The following IL1RAPL1 variants were observed in gnomAD, a reference collection of about 807,000 sequenced individuals.
The protein encoded by IL1RAPL1 is interleukin 1 receptor accessory protein like 1.
IL1RAPL1 carries 3 observed loss-of-function variants against 48.4 expected under a neutral mutation model. The ratio of observed to expected loss-of-function variants is 0.06; its 90% CI spans 0.03 to 0.16. The LOEUF (loss-of-function observed/expected upper bound fraction) is 0.16, where lower values mean the gene tolerates loss of function less well. IL1RAPL1 is among the 10% of genes least tolerant of loss of function. IL1RAPL1 has a pLI of 1.00. For missense variants in IL1RAPL1, 349 were observed against 530.6 expected (o/e 0.66, Z 3.36); for synonymous variants, 185 against 187.7 (o/e 0.99, Z 0.12).
At chrX:29,904,987 CAACA>C (rs776925942) in intron 6 of IL1RAPL1, among the ~76,000 whole-genome samples, 3 of 112,060 alleles carry the variant, frequency 2.7e-5, no homozygotes, top group Non-Finnish European at 5.6e-5. Context: ...ACACTCCCAC[CAACA>C]GAGTGAAAGC....
intron 6 of IL1RAPL1, among the ~76,000 whole-genome samples, chrX:29,788,121 A>G (rs868184455): frequency 1.9e-5 from 2 of 107,798 alleles, no homozygotes; most frequent in Non-Finnish European, 3.9e-5. Flanking sequence ...GTGTGTGTGT[A>G]TGTATGTGAA....
rs529339370 is a variant in IL1RAPL1, at chrX:29,807,117, A to G, written c.779-110347A>G. Among the ~76,000 whole-genome samples, 26 of 110,933 alleles carry G rather than the reference A, an allele frequency of 2.3e-4. No individual in the cohort carries two copies. The South Asian group carries it at 9.3e-3, about 40-fold the overall frequency. On this transcript the variant is annotated intron_variant, in intron 6 of 10. Transcript: ENST00000378993. Reference sequence around the variant, plus strand: ...TAGCAGTGCAAGAATGGCCTAATACAATATGTAACTATTTAAATATATACA... The same window carrying G: ...TAGCAGTGCAAGAATGGCCTAATACGATATGTAACTATTTAAATATATACA...
intron 3 of IL1RAPL1, among the ~76,000 whole-genome samples, chrX:29,287,763 T>A (rs1391458853): frequency 1.8e-5 from 2 of 112,502 alleles, no homozygotes; most frequent in Non-Finnish European, 3.7e-5. Context: ...TATGTCCTCC[T>A]CATTGAATTT....
intron 2 of IL1RAPL1, among the ~76,000 whole-genome samples, chrX:28,946,195 A>C (rs1194980004): frequency 1.8e-5 from 2 of 110,470 alleles, no homozygotes; most frequent in Non-Finnish European, 3.8e-5. Flanking sequence ...AAAATAAAGC[A>C]GTCAAATTTC....
At chrX:28,818,314 C>T (rs1936892944) in intron 2 of IL1RAPL1, among the ~76,000 whole-genome samples, 1 of 110,513 alleles carries the variant, frequency 9.0e-6, no homozygotes, top group African/African-American at 3.3e-5. Flanking sequence ...TTGGGACAAA[C>T]AAAGATTTTA....
Position 28,636,893 on chromosome X carries a change from C to T in IL1RAPL1, c.-25+48846C>T, listed in dbSNP as rs1358236966. ...ATACGCTTAACTAAGCATATGGACACTTTACACAAAATCAGAGGTTTTTTT... is the reference window on the plus strand; with the variant it reads ...ATACGCTTAACTAAGCATATGGACATTTTACACAAAATCAGAGGTTTTTTT... On this transcript the variant is annotated intron_variant, in intron 1 of 10. Coordinates refer to ENST00000378993, the MANE Select transcript of IL1RAPL1 (RefSeq NM_014271.4). Among the ~76,000 whole-genome samples the T allele has an allele frequency of 3.6e-5, 4 of 111,548 alleles. No homozygotes were observed. In the East Asian group the frequency reaches 1.1e-3, roughly 31 times the overall value.
chrX:29,745,431 G>GTTTTTTTTTTTTTTTTTTTTTT lies in IL1RAPL1; in HGVS notation c.778+76935_778+76956dup, dbSNP rs752527354. On this transcript the variant is annotated intron_variant, in intron 6 of 10. Coordinates refer to ENST00000378993, the MANE Select transcript of IL1RAPL1 (RefSeq NM_014271.4). Reference sequence around the variant, plus strand: ...TCTCTTTATTCCTTAAGTTTTTTGTGTTTTTTTTTTTTTTTTTTTTTTTTT... The same window carrying GTTTTTTTTTTTTTTTTTTTTTT: ...TCTCTTTATTCCTTAAGTTTTTTGTGTTTTTTTTTTTTTTTTTTTTTTTTTTTTTTTTTTTTTTTTTTTTTTT... Among the ~76,000 whole-genome samples, 2 of 24,740 alleles carry GTTTTTTTTTTTTTTTTTTTTTT rather than the reference G, an allele frequency of 8.1e-5. 1 individual carries two copies. The highest frequency in any genetic ancestry group is 1.3e-4 in the Non-Finnish European group (2 of 14,930). 21.5% of individuals were successfully genotyped at this position (24,740 alleles called of 115,157 possible). A position where few individuals can be genotyped will look rare whatever the true frequency, so the allele number is the denominator to read the frequency against.
intron 1 of IL1RAPL1, among the ~76,000 whole-genome samples, chrX:28,747,000 G>A (rs1319004065): frequency 1.8e-5 from 2 of 110,449 alleles, no homozygotes; most frequent in Non-Finnish European, 3.8e-5. Flanking sequence ...TCTTTCTACT[G>A]GTTGGGGAAT....
intron 1 of IL1RAPL1, among the ~76,000 whole-genome samples, chrX:28,590,219 T>C (rs1933893175): frequency 8.9e-6 from 1 of 111,897 alleles, no homozygotes; most frequent in Admixed American, 9.5e-5. Flanking sequence ...TCTGAAATCC[T>C]AACCCTGTTC....
intron 6 of IL1RAPL1, among the ~76,000 whole-genome samples, chrX:29,701,040 A>C (rs1341817519): frequency 8.9e-6 from 1 of 112,073 alleles, no homozygotes. Flanking sequence ...CAGAGAAAGG[A>C]GAACTGAAAT....
rs751144600 is a variant in IL1RAPL1 at position 28,908,938 on chromosome X, G to A, written c.82+119513G>A. Among the ~76,000 whole-genome samples, 20 of 111,602 alleles carry A rather than the reference G, an allele frequency of 1.8e-4. No homozygotes were observed. The East Asian group carries it at 4.2e-3, about 24-fold the overall frequency. On this transcript the variant is annotated intron_variant, in intron 2 of 10. Transcript: ENST00000378993. ...AATTTACCCTTTTTTGTTATGTAGC[G>A]TCCTTCCTTATCCTTGATACTTTTC...
intron 2 of IL1RAPL1, among the ~76,000 whole-genome samples, chrX:28,845,806 C>A (rs956977888): frequency 1.8e-5 from 2 of 111,618 alleles, no homozygotes; most frequent in Non-Finnish European, 3.8e-5. Context: ...AGGTTCCCAA[C>A]AAAGTTGAGA....
intron 1 of IL1RAPL1, among the ~76,000 whole-genome samples, chrX:28,710,459 C>T (rs1164135579): frequency 9.1e-6 from 1 of 109,715 alleles, no homozygotes; most frequent in African/African-American, 3.3e-5. Context: ...TCAAGAGGAA[C>T]AGCAGTGGGT....
chrX:29,411,187 T>C (rs961332042), intron 5 of IL1RAPL1, among the ~76,000 whole-genome samples: 1 of 112,101 alleles, frequency 8.9e-6, no homozygotes, highest in Non-Finnish European at 1.9e-5. Flanking sequence ...TAGTCAGACA[T>C]TGAATCTATC....
intron 6 of IL1RAPL1, among the ~76,000 whole-genome samples, chrX:29,834,546 G>C (rs1930953178): frequency 1.0e-5 from 1 of 97,755 alleles, no homozygotes; most frequent in South Asian, 5.0e-4. Context: ...TTAAGAGCTA[G>C]TGGGACAAAG....
At chrX:28,713,271 T>C (rs1425759865) in intron 1 of IL1RAPL1, among the ~76,000 whole-genome samples, 2 of 110,415 alleles carry the variant, frequency 1.8e-5, no homozygotes, top group Non-Finnish European at 3.8e-5. Flanking sequence ...TTAGCCAGGA[T>C]GGTCTCGATC....
intron 2 of IL1RAPL1, among the ~76,000 whole-genome samples, chrX:28,947,457 C>T (rs1172236543): frequency 9.0e-6 from 1 of 110,953 alleles, no homozygotes; most frequent in African/African-American, 3.3e-5. Context: ...TAAAAACTTA[C>T]TGTTTAGCCA....
rs778803336 is a variant in IL1RAPL1, at chrX:29,046,256, C to G, written c.83-236682C>G. Reference sequence around the variant, plus strand: ...TCTTTTTAGAGACGATGGGGCCTTACTATGTTACCCAGACTGGTGTTGAAC... The same window carrying G: ...TCTTTTTAGAGACGATGGGGCCTTAGTATGTTACCCAGACTGGTGTTGAAC... On this transcript the variant is annotated intron_variant, in intron 2 of 10. Coordinates refer to ENST00000378993, the MANE Select transcript of IL1RAPL1 (RefSeq NM_014271.4). Among the ~76,000 whole-genome samples, 82 of 110,142 alleles carry G rather than the reference C, an allele frequency of 7.4e-4. 1 individual carries two copies. The highest frequency in any genetic ancestry group is 1.5e-3 in the Non-Finnish European group (78 of 52,795).
Position 29,483,973 on chromosome X carries a change from G to A in IL1RAPL1, c.703+84665G>A, listed in dbSNP as rs1002143988. Among the ~76,000 whole-genome samples, 4 of 104,078 alleles carry A rather than the reference G, an allele frequency of 3.8e-5. No individual in the cohort carries two copies. In the Admixed American group the frequency reaches 4.2e-4, roughly 11 times the overall value. The allele number at this position is 104,078 out of a possible 115,157, so 90.4% of individuals were successfully genotyped here. A position where few individuals can be genotyped will look rare whatever the true frequency, so the allele number is the denominator to read the frequency against. ...TTCCCAAAGTGATAGTACTGCAGGC[G>A]TGAGCCACTGCACCTGGCCCAGTAG... is the stretch of plus-strand genomic sequence containing the variant. On this transcript the variant is annotated intron_variant, in intron 5 of 10. Transcript: ENST00000378993.
Sources: allele counts gnomAD v4.1 joint callset (sites outside exome capture counted in the v4.1 genomes callset), GRCh38; gene constraint gnomAD v4.1.1; transcripts MANE v1.5; gene names NCBI Gene and HGNC (gene_info 2026-07-23, HGNC 2026-07-21).